KANSL1L: variants seen among roughly 807,000 people sequenced by gnomAD.
KANSL1L encodes the protein KAT8 regulatory NSL complex subunit 1 like.
In KANSL1L, 25 loss-of-function variants were observed where a neutral mutation model predicts 108.6. That is an observed-to-expected ratio of 0.23 (90% CI 0.17 to 0.32). KANSL1L has a LOEUF of 0.32. Ranked by LOEUF, KANSL1L falls within the 10% of genes least tolerant of loss-of-function variation. The pLI, the probability that KANSL1L is intolerant of heterozygous loss-of-function variation, is 1.00. For synonymous variants in KANSL1L, 405 were observed against 395.1 expected (o/e 1.03, Z -0.30); for missense variants, 1,137 against 1,125.7 (o/e 1.01, Z -0.14).
chr2:210,170,249 G>T (rs1447928445), intron 1 of KANSL1L: 1 of 478,628 alleles, frequency 2.1e-6, no homozygotes, highest in Non-Finnish European at 2.7e-6. Flanking sequence ...TAAGCAAACT[G>T]GCTAAAGACG....
intron 8 of KANSL1L, 76 bp from the exon 9 acceptor site, chr2:210,031,622 T>G: frequency 1.1e-6 from 1 of 910,704 alleles, no homozygotes; most frequent in Non-Finnish European, 1.6e-6. Context: ...TGTTTTTATT[T>G]GTAACTGCAG....
At chr2:210,081,168 C>G (rs138640348) in intron 5 of KANSL1L, among the ~76,000 whole-genome samples, 2 of 152,142 alleles carry the variant, frequency 1.3e-5, no homozygotes, top group African/African-American at 4.8e-5. Flanking sequence ...TGGAGCACTT[C>G]CCAATGTTTC....
intron 14 of KANSL1L, 124 bp from the exon 15 acceptor site, chr2:210,023,303 A>AT (rs1264852980): frequency 1.3e-5 from 9 of 679,582 alleles, no homozygotes; most frequent in Middle Eastern, 2.5e-4. Flanking sequence ...TAAATGTACA[A>AT]TTTTTCATTT....
rs569072484 is a variant in KANSL1L at position 210,067,716 on chromosome 2, C to CAAAAAAAAAAAAA, written c.1755+7823_1755+7835dup. Among the ~76,000 whole-genome samples, 179 of 92,916 alleles carry CAAAAAAAAAAAAA rather than the reference C, an allele frequency of 1.9e-3. 6 individuals are homozygous for CAAAAAAAAAAAAA. Among genetic ancestry groups the CAAAAAAAAAAAAA allele is most frequent in the African/African-American group, 7.3e-3 (159 of 21,740 alleles). 61.0% of individuals were successfully genotyped at this position (92,916 alleles called of 152,430 possible). ...GAGTGACAGAGTGAGACCCTGTCTC[C>CAAAAAAAAAAAAA]AAAAAAAAAAAAAAAAAAAAAAAAA... On this transcript the variant is annotated intron_variant, in intron 6 of 14. Coordinates refer to ENST00000281772, the MANE Select transcript of KANSL1L (RefSeq NM_152519.4).
chr2:210,108,916 G>A (rs2094877357), intron 3 of KANSL1L, among the ~76,000 whole-genome samples: 1 of 152,022 alleles, frequency 6.6e-6, no homozygotes, highest in South Asian at 2.1e-4. Flanking sequence ...CCTAGCTTTT[G>A]TTCCTTTTCT....
chr2:210,110,187 T>A (rs752977779), intron 3 of KANSL1L, among the ~76,000 whole-genome samples: 7 of 152,232 alleles, frequency 4.6e-5, no homozygotes, highest in Non-Finnish European at 1.0e-4. Context: ...CTCTGCTTCC[T>A]TGTGGGGATT....
At chr2:210,150,933 G>T (rs1425316057) in intron 2 of KANSL1L, among the ~76,000 whole-genome samples, 3 of 152,142 alleles carry the variant, frequency 2.0e-5, no homozygotes, top group African/African-American at 7.2e-5. Flanking sequence ...ATGACAAACT[G>T]TATGGCAGAC....
intron 5 of KANSL1L, among the ~76,000 whole-genome samples, chr2:210,081,819 C>G (rs2094592214): frequency 6.6e-6 from 1 of 152,122 alleles, no homozygotes; most frequent in Admixed American, 6.6e-5. Flanking sequence ...ACATTTTAGT[C>G]TAAGAGCCAA....
At chr2:210,072,119 A>T (rs1281180779) in intron 6 of KANSL1L, among the ~76,000 whole-genome samples, 1 of 152,216 alleles carries the variant, frequency 6.6e-6, no homozygotes, top group African/African-American at 2.4e-5. Context: ...CTTGAAAAGA[A>T]TTCTGCTCTA....
intron 6 of KANSL1L, among the ~76,000 whole-genome samples, chr2:210,054,185 G>C (rs761846583): frequency 5.3e-5 from 8 of 151,868 alleles, no homozygotes; most frequent in Non-Finnish European, 2.9e-5. Context: ...AGCTGGGCGT[G>C]GTGGCGGGCG....
At chr2:210,029,728 A>T in intron 10 of KANSL1L, 75 bp downstream of exon 10, 1 of 739,496 alleles carries the variant, frequency 1.4e-6, no homozygotes, top group South Asian at 1.9e-5. Flanking sequence ...AGATTAGCAA[A>T]ATATAAATTA....
intron 6 of KANSL1L, among the ~76,000 whole-genome samples, chr2:210,065,558 C>A (rs1004037739): frequency 1.9e-4 from 28 of 148,006 alleles, no homozygotes; most frequent in African/African-American, 6.5e-4. Flanking sequence ...GTCTACCTCT[C>A]AATTGAGGTG....
chr2:210,162,751 G>A (rs2095368808), intron 1 of KANSL1L, among the ~76,000 whole-genome samples: 1 of 152,098 alleles, frequency 6.6e-6, no homozygotes. Flanking sequence ...AAATCCAGAA[G>A]TGTATGAAAT....
At chr2:210,040,628 C>G (rs1385950665) in intron 7 of KANSL1L, 101 bp from the exon 8 acceptor site, 1 of 516,934 alleles carries the variant, frequency 1.9e-6, no homozygotes, top group Non-Finnish European at 3.4e-6. Context: ...ATAAATAGCA[C>G]ATAAGCTTAA....
intron 2 of KANSL1L, among the ~76,000 whole-genome samples, chr2:210,147,440 G>A (rs2095273502): frequency 6.6e-6 from 1 of 152,178 alleles, no homozygotes; most frequent in Non-Finnish European, 1.5e-5. Context: ...GCAACAGAGT[G>A]AGACCTTTTC....
chr2:210,090,761 G>A (rs949338536), intron 5 of KANSL1L, among the ~76,000 whole-genome samples: 18 of 152,070 alleles, frequency 1.2e-4, no homozygotes, highest in Middle Eastern at 3.4e-3. Context: ...TCAAACTCCC[G>A]GGCTCAAGCC....
intron 1 of KANSL1L, among the ~76,000 whole-genome samples, chr2:210,166,205 A>ATT (rs1276537243): frequency 6.6e-6 from 1 of 152,114 alleles, no homozygotes; most frequent in Non-Finnish European, 1.5e-5. Context: ...AACCATACAT[A>ATT]TTTATGAATT....
At chr2:210,055,375 G>GT (rs1444280921) in intron 6 of KANSL1L, among the ~76,000 whole-genome samples, 2 of 152,204 alleles carry the variant, frequency 1.3e-5, no homozygotes, top group Non-Finnish European at 2.9e-5. Flanking sequence ...ACTGCAAAGA[G>GT]TGAGGTGCTG....
intron 3 of KANSL1L, among the ~76,000 whole-genome samples, chr2:210,106,133 T>C (rs2094844713): frequency 6.6e-6 from 1 of 152,176 alleles, no homozygotes; most frequent in East Asian, 1.9e-4. Context: ...GTTGTCTTAT[T>C]AGAAAGTTTG....
Sources: gnomAD v4.1 joint callset for allele counts (sites outside exome capture counted in the v4.1 genomes callset) on GRCh38, gnomAD v4.1.1 for gene constraint, MANE v1.5 for transcripts, NCBI Gene and HGNC (gene_info 2026-07-23, HGNC 2026-07-21) for gene names.